Variants in PDE1A observed in about 807,000 individuals in gnomAD.
PDE1A encodes the protein dual specificity calcium/calmodulin-dependent 3',5'-cyclic nucleotide phosphodiesterase 1A.
A neutral mutation model predicts 61.7 loss-of-function variants in PDE1A; 35 were observed. The ratio of observed to expected loss-of-function variants is 0.57; its 90% confidence interval spans 0.43 to 0.75. The LOEUF is 0.75. PDE1A is among the 30% of genes least tolerant of loss of function. The pLI is 0.00. For synonymous variants in PDE1A, 232 were observed against 213.2 expected (o/e 1.09, Z -0.77); for missense variants, 597 against 630.6 (o/e 0.95, Z 0.57).
the PDE1A span, among the ~76,000 whole-genome samples, chr2:182,568,558 C>T: frequency 2.0e-5 from 3 of 151,924 alleles, no homozygotes; most frequent in African/African-American, 4.8e-5. Flanking sequence ...CCCAGCTACT[C>T]GGAAGGCTGA....
chr2:182,522,256 A>G, intron 2 of PDE1A: 1 of 1,601,368 alleles, frequency 6.2e-7, no homozygotes, highest in Non-Finnish European at 8.6e-7. Context: ...GGGGAAATAA[A>G]AAGCAAAGAG....
chr2:182,398,135 A>G (rs1162565781), intron 1 of PDE1A, among the ~76,000 whole-genome samples: 2 of 152,074 alleles, frequency 1.3e-5, no homozygotes, highest in Admixed American at 6.5e-5. Flanking sequence ...ATAAAAAAAA[A>G]GCTTGAGTTG....
chr2:182,314,092 A>G (rs533271329), intron 1 of PDE1A, among the ~76,000 whole-genome samples: 5 of 152,352 alleles, frequency 3.3e-5, no homozygotes, highest in African/African-American at 1.2e-4. Context: ...ACTAACATTC[A>G]TAAGAGCTTT....
At chr2:182,418,589 A>T (rs1240492269) in intron 1 of PDE1A, among the ~76,000 whole-genome samples, 1 of 152,194 alleles carries the variant, frequency 6.6e-6, no homozygotes, top group Non-Finnish European at 1.5e-5. Flanking sequence ...CTGCAGATGG[A>T]GTAAGGGAAA....
intron 1 of PDE1A, among the ~76,000 whole-genome samples, chr2:182,402,880 C>A (rs1203853916): frequency 6.6e-6 from 1 of 152,136 alleles, no homozygotes; most frequent in Non-Finnish European, 1.5e-5. Context: ...TGAACAGACA[C>A]ATCTCAAAAG....
chr2:182,293,444 TC>T (rs1457061608), intron 1 of PDE1A, among the ~76,000 whole-genome samples: 6 of 152,116 alleles, frequency 3.9e-5, no homozygotes, highest in Admixed American at 2.0e-4. Context: ...TATATTTTTT[TC>T]CTCTCACCTG....
At chr2:182,180,673 A>C (rs1205804525) in intron 13 of PDE1A, among the ~76,000 whole-genome samples, 1 of 151,338 alleles carries the variant, frequency 6.6e-6, no homozygotes, top group East Asian at 2.0e-4. Flanking sequence ...AATATCCTGA[A>C]GTGTGTTTTC....
At chr2:182,601,095 C>T in the PDE1A span, among the ~76,000 whole-genome samples, 2 of 152,240 alleles carry the variant, frequency 1.3e-5, no homozygotes, top group Admixed American at 1.3e-4. Flanking sequence ...TCAGGCCCAG[C>T]TTGTTCCACC....
chr2:182,690,308 C>G, the PDE1A span, among the ~76,000 whole-genome samples: 63 of 152,028 alleles, frequency 4.1e-4, no homozygotes, highest in South Asian at 2.1e-4. Context: ...GAATCCAGCA[C>G]GACATCAAAA....
chr2:182,521,568 G>A (rs567657283), intron 2 of PDE1A, among the ~76,000 whole-genome samples: 1 of 151,916 alleles, frequency 6.6e-6, no homozygotes, highest in Non-Finnish European at 1.5e-5. Context: ...AAAATGTAAG[G>A]GTGTAAATAT....
chr2:182,354,180 A>G (rs1454761198), intron 1 of PDE1A, among the ~76,000 whole-genome samples: 3 of 152,126 alleles, frequency 2.0e-5, no homozygotes, highest in Non-Finnish European at 4.4e-5. Flanking sequence ...AGTCCACTGA[A>G]CTTTGAAGGC....
chr2:182,533,958 TATG>T, the PDE1A span, among the ~76,000 whole-genome samples: 10 of 152,136 alleles, frequency 6.6e-5, no homozygotes, highest in Non-Finnish European at 1.0e-4. Flanking sequence ...ACTCATTTAA[TATG>T]ATATCAATGG....
chr2:182,557,223 G>A, the PDE1A span, among the ~76,000 whole-genome samples: 26 of 152,308 alleles, frequency 1.7e-4, 1 homozygote, highest in East Asian at 5.0e-3. Flanking sequence ...TCCAGCCTGG[G>A]TGACAGAGTG....
chr2:182,605,292 A>G, the PDE1A span, among the ~76,000 whole-genome samples: 8 of 152,168 alleles, frequency 5.3e-5, no homozygotes, highest in Admixed American at 2.0e-4. Context: ...TCCTCTTCCT[A>G]CACTAGCTGT....
chr2:182,291,571 T>C (rs1183839622), intron 1 of PDE1A, among the ~76,000 whole-genome samples: 1 of 152,180 alleles, frequency 6.6e-6, no homozygotes, highest in Non-Finnish European at 1.5e-5. Flanking sequence ...CCTTAAGTTT[T>C]CTGCAGAAAA....
intron 2 of PDE1A, among the ~76,000 whole-genome samples, chr2:182,465,619 A>G (rs927308605): frequency 6.6e-6 from 1 of 152,092 alleles, no homozygotes; most frequent in Admixed American, 6.6e-5. Flanking sequence ...ACTCCATAAA[A>G]TATTAACCTT....
the PDE1A span, among the ~76,000 whole-genome samples, chr2:182,714,882 C>T: frequency 6.6e-6 from 1 of 152,124 alleles, no homozygotes; most frequent in Non-Finnish European, 1.5e-5. Context: ...AGCATTTACC[C>T]TATTTGTCTA....
At chr2:182,496,845 T>C (rs1488380197) in intron 2 of PDE1A, among the ~76,000 whole-genome samples, 1 of 152,234 alleles carries the variant, frequency 6.6e-6, no homozygotes, top group Non-Finnish European at 1.5e-5. Context: ...GTAGTGGCCC[T>C]GACTTCCGGC....
At chr2:182,331,034 ACTGAACAT>A (rs1477813173) in intron 1 of PDE1A, among the ~76,000 whole-genome samples, 1 of 152,124 alleles carries the variant, frequency 6.6e-6, no homozygotes, top group African/African-American at 2.4e-5. Context: ...TTACCTGCTC[ACTGAACAT>A]CTCCACCAAG....
Sources: gnomAD v4.1 joint callset for allele counts (sites outside exome capture counted in the v4.1 genomes callset) on GRCh38, gnomAD v4.1.1 for gene constraint, MANE v1.5 for transcripts, NCBI Gene and HGNC (gene_info 2026-07-23, HGNC 2026-07-21) for gene names.